The following POU6F2 variants were observed in gnomAD, a reference collection of about 807,000 sequenced individuals.
POU6F2 encodes POU domain, class 6, transcription factor 2.
In POU6F2, 31 loss-of-function variants were observed where a neutral mutation model predicts 71.3. The observed-to-expected ratio is 0.43, with a 90% CI of 0.33 to 0.59. POU6F2 has a LOEUF of 0.59. POU6F2 is among the 20% of genes least tolerant of loss of function. POU6F2 has a pLI of 0.04. For missense variants in POU6F2, 783 were observed against 856.8 expected, an observed-to-expected ratio of 0.91 and a Z score of 1.07; for synonymous variants, 347 against 355.7, an observed-to-expected ratio of 0.98 and a Z score of 0.27.
At chr7:39,075,721 A>G (rs527262919) in intron 1 of POU6F2, among the ~76,000 whole-genome samples, 28 of 152,208 alleles carry the variant, frequency 1.8e-4, no homozygotes, top group Non-Finnish European at 3.7e-4. Context: ...CCTCAGTGAC[A>G]TGAAGATGCT....
chr7:39,260,282 A>T (rs111211401), intron 4 of POU6F2, among the ~76,000 whole-genome samples: 2,008 of 148,080 alleles, frequency 0.014, 39 homozygotes, highest in African/African-American at 0.047. Context: ...CATACACCAC[A>T]CACACTCTCC....
chr7:39,313,909 A>G (rs958943403), intron 4 of POU6F2, among the ~76,000 whole-genome samples: 78 of 152,192 alleles, frequency 5.1e-4, no homozygotes, highest in Non-Finnish European at 5.6e-4. Flanking sequence ...GGAGATTGTG[A>G]AAAAGATGCC....
intron 2 of POU6F2, among the ~76,000 whole-genome samples, chr7:39,094,200 C>T (rs140433524): frequency 1.3e-5 from 2 of 152,018 alleles, no homozygotes; most frequent in Non-Finnish European, 2.9e-5. Flanking sequence ...TTACTGAGCA[C>T]GGGAGACAAG....
chr7:39,191,601 A>C (rs1280221672), intron 2 of POU6F2, among the ~76,000 whole-genome samples: 1 of 152,236 alleles, frequency 6.6e-6, no homozygotes, highest in Non-Finnish European at 1.5e-5. Flanking sequence ...TGATACTATC[A>C]TGTAATGGTG....
At chr7:39,397,600 C>A (rs1787200603) in intron 5 of POU6F2, among the ~76,000 whole-genome samples, 1 of 148,516 alleles carries the variant, frequency 6.7e-6, no homozygotes, top group Non-Finnish European at 1.5e-5. Context: ...TCAAGTAATT[C>A]TCCTGCCTCA....
intron 1 of POU6F2, among the ~76,000 whole-genome samples, chr7:39,042,876 T>C (rs992701247): frequency 6.6e-6 from 1 of 151,932 alleles, no homozygotes; most frequent in African/African-American, 2.4e-5. Context: ...GCAGGGAGAA[T>C]AGAAATCTTC....
chr7:39,022,809 G>T (rs1171550770), intron 1 of POU6F2, among the ~76,000 whole-genome samples: 3 of 151,996 alleles, frequency 2.0e-5, no homozygotes, highest in Non-Finnish European at 4.4e-5. Context: ...TGAATAGGCT[G>T]CTATGAACAT....
intron 1 of POU6F2, among the ~76,000 whole-genome samples, chr7:39,025,642 A>G (rs1375758417): frequency 6.6e-6 from 1 of 151,730 alleles, no homozygotes; most frequent in African/African-American, 2.4e-5. Context: ...AAACCATAAA[A>G]ACCCTAAAAG....
chr7:39,186,554 C>T (rs1268023623), intron 2 of POU6F2, among the ~76,000 whole-genome samples: 1 of 152,190 alleles, frequency 6.6e-6, no homozygotes, highest in Non-Finnish European at 1.5e-5. Context: ...GTATAGATTC[C>T]TCAGCACCAA....
rs1788918303 is a variant in POU6F2, at chr7:39,460,496, G to T, written c.1490-51G>T. 1.3e-6 allele frequency: 2 copies of T among 1,582,622 alleles called. No individual in the cohort carries two copies. Among genetic ancestry groups the T allele is most frequent in the African/African-American group, 1.3e-5 (1 of 74,200 alleles). On this transcript the variant is annotated intron_variant, in intron 8 of 9. Coordinates refer to ENST00000518318, the MANE Select transcript of POU6F2 (RefSeq NM_001370959.1). The surrounding 1 kb of genome is among the most constrained non-coding windows in gnomAD (Gnocchi z 4.4). ...TTATAAACCGTAATAAACAGATATT[G>T]CTCGGCTGTGTGTTGACGTATTGAT...
chr7:39,153,877 A>G (rs1266441221), intron 2 of POU6F2, among the ~76,000 whole-genome samples: 1 of 152,140 alleles, frequency 6.6e-6, no homozygotes, highest in Non-Finnish European at 1.5e-5. Flanking sequence ...GGAGGGTGAG[A>G]GATCAGATGG....
chr7:39,232,805 A>G (rs1177770794), intron 4 of POU6F2, among the ~76,000 whole-genome samples: 1 of 152,222 alleles, frequency 6.6e-6, no homozygotes, highest in Non-Finnish European at 1.5e-5. Context: ...ACTAATGCAC[A>G]TGCTAAAGGC....
rs147134454 is a variant in POU6F2 at position 39,342,396 on chromosome 7, A to G, written c.972+2381A>G. Among the ~76,000 whole-genome samples the G allele has an allele frequency of 4.3e-3, 659 of 152,358 alleles. 6 individuals are homozygous for G. The highest frequency in any genetic ancestry group is 0.015 in the African/African-American group (611 of 41,590). ...AGATATTTAACTCTCCAAACTAATG[A>G]TCTTTATAAAGTGTTTTTGTTTGAA... On this transcript the variant is annotated intron_variant, in intron 5 of 9. Coordinates refer to ENST00000518318, the MANE Select transcript of POU6F2 (RefSeq NM_001370959.1).
intron 3 of POU6F2, 70 bp from the exon 4 acceptor site, chr7:39,207,322 A>C: frequency 7.0e-7 from 1 of 1,436,234 alleles, no homozygotes; most frequent in Non-Finnish European, 9.6e-7. Flanking sequence ...TTAAGTGGAA[A>C]GAAGATGTTT....
intron 2 of POU6F2, among the ~76,000 whole-genome samples, chr7:39,174,360 G>C (rs1024554953): frequency 2.0e-5 from 3 of 152,140 alleles, no homozygotes; most frequent in African/African-American, 7.2e-5. Flanking sequence ...TTTGTGTCCT[G>C]ATCATTGAGT....
chr7:39,033,034 G>A (rs186286775), intron 1 of POU6F2, among the ~76,000 whole-genome samples: 2 of 152,266 alleles, frequency 1.3e-5, no homozygotes, highest in East Asian at 1.9e-4. Flanking sequence ...TGATAAAACC[G>A]GTGTCTAAAG....
intron 4 of POU6F2, among the ~76,000 whole-genome samples, chr7:39,288,558 G>A (rs955917866): frequency 2.6e-5 from 4 of 152,102 alleles, no homozygotes; most frequent in Non-Finnish European, 5.9e-5. Flanking sequence ...CAACCACCTG[G>A]TCCATTGGCT....
At chr7:39,167,013 A>G (rs1793127700) in intron 2 of POU6F2, among the ~76,000 whole-genome samples, 1 of 152,214 alleles carries the variant, frequency 6.6e-6, no homozygotes, top group Non-Finnish European at 1.5e-5. Context: ...TTCAAATAAT[A>G]TAGACATCTT....
At chr7:39,296,859 T>C (rs1784855472) in intron 4 of POU6F2, among the ~76,000 whole-genome samples, 1 of 152,258 alleles carries the variant, frequency 6.6e-6, no homozygotes, top group Admixed American at 6.5e-5. Context: ...TCTCATTGAA[T>C]GCATGAATGA....
Sources: gnomAD v4.1 joint callset for allele counts (sites outside exome capture counted in the v4.1 genomes callset) on GRCh38, gnomAD v4.1.1 for gene constraint, Gnocchi (gnomAD v3.1) non-coding constraint, MANE v1.5 for transcripts, NCBI Gene and HGNC (gene_info 2026-07-23, HGNC 2026-07-21) for gene names.